OPCML: variants seen among roughly 807,000 people sequenced by gnomAD.
OPCML encodes opioid-binding protein/cell adhesion molecule.
A neutral mutation model predicts 37.8 loss-of-function variants in OPCML; 13 were observed. The ratio of observed to expected loss-of-function variants is 0.34; its 90% CI spans 0.22 to 0.55. OPCML has a LOEUF of 0.55. Ranked by LOEUF, OPCML falls within the 20% of genes least tolerant of loss-of-function variation. The probability of loss-of-function intolerance (pLI) is 0.91; values close to 1 mark genes in which losing one functional copy is unlikely to be tolerated. For synonymous variants in OPCML, 176 were observed against 168.8 expected (o/e 1.04, Z -0.33); for missense variants, 341 against 435.6 (o/e 0.78, Z 1.93).
chr11:133,056,375 C>G (rs964304054), intron 1 of OPCML, among the ~76,000 whole-genome samples: 1 of 152,152 alleles, frequency 6.6e-6, no homozygotes, highest in Non-Finnish European at 1.5e-5. Flanking sequence ...CTTAGAGTCT[C>G]TGGGGAATTG....
chr11:132,442,339 T>C (rs1465336576), intron 4 of OPCML, among the ~76,000 whole-genome samples: 1 of 152,106 alleles, frequency 6.6e-6, no homozygotes, highest in Admixed American at 6.6e-5. Context: ...GAGCAAAATA[T>C]GGGGGCTTCC....
chr11:133,157,393 C>T (rs1161530313), intron 1 of OPCML, among the ~76,000 whole-genome samples: 1 of 152,184 alleles, frequency 6.6e-6, no homozygotes, highest in African/African-American at 2.4e-5. Context: ...TGCAGGCTCC[C>T]AGAGGGGACA....
rs1372446758 is a variant in OPCML, at chr11:132,818,615, T to C, written c.146+124311A>G. 9.0e-5 allele frequency among the ~76,000 whole-genome samples: 4 copies of C among 44,224 alleles called. No individual in the cohort carries two copies. The East Asian group carries it at 2.8e-3, about 31-fold the overall frequency. The allele number at this position is 44,224 out of a possible 152,430, so 29.0% of individuals were successfully genotyped here. ...GATAGATAGATAGATAGATGATAGA[T>C]AGATAGATAAACACATAGATAGATA... On this transcript the variant is annotated intron_variant, in intron 2 of 7. Transcript: ENST00000524381.
intron 1 of OPCML, among the ~76,000 whole-genome samples, chr11:133,189,424 T>C (rs1179156442): frequency 6.6e-6 from 1 of 152,170 alleles, no homozygotes; most frequent in Non-Finnish European, 1.5e-5. Context: ...ACAAAATACA[T>C]CTCATATTTT....
intron 3 of OPCML, among the ~76,000 whole-genome samples, chr11:132,583,760 T>C (rs1020202264): frequency 2.6e-5 from 4 of 152,060 alleles, no homozygotes; most frequent in East Asian, 1.9e-4. Context: ...ATTACAGTCA[T>C]GCACCACCAT....
chr11:133,339,521 C>T (rs1943816526), intron 1 of OPCML, among the ~76,000 whole-genome samples: 1 of 152,166 alleles, frequency 6.6e-6, no homozygotes, highest in African/African-American at 2.4e-5. Context: ...CCATTCTACC[C>T]AGGCCAGCCT....
chr11:133,110,072 A>G (rs1210644172), intron 1 of OPCML, among the ~76,000 whole-genome samples: 1 of 152,212 alleles, frequency 6.6e-6, no homozygotes, highest in Admixed American at 6.5e-5. Context: ...AAAGCTACAC[A>G]TCTTGTAATG....
intron 2 of OPCML, among the ~76,000 whole-genome samples, chr11:132,917,662 G>A (rs1044375087): frequency 1.2e-4 from 19 of 152,286 alleles, no homozygotes; most frequent in Admixed American, 9.8e-4. Flanking sequence ...ATGGTACCTG[G>A]AACTAGATTG....
intron 2 of OPCML, among the ~76,000 whole-genome samples, chr11:132,940,225 GT>G (rs1267022713): frequency 6.6e-6 from 1 of 152,198 alleles, no homozygotes. Context: ...CACTGGGAAA[GT>G]GAAAGGCAGG....
intron 4 of OPCML, among the ~76,000 whole-genome samples, chr11:132,521,903 C>T (rs1412069400): frequency 6.6e-6 from 1 of 152,138 alleles, no homozygotes; most frequent in East Asian, 1.9e-4. Flanking sequence ...TTCAGTCACA[C>T]ATATAGAGTC....
At chr11:132,806,853 G>T (rs1351932294) in intron 2 of OPCML, among the ~76,000 whole-genome samples, 4 of 151,844 alleles carry the variant, frequency 2.6e-5, no homozygotes, top group African/African-American at 9.7e-5. Flanking sequence ...CATTATCCTT[G>T]GCCTTAGAAC....
chr11:132,949,403 C>T (rs1287463518), intron 1 of OPCML, among the ~76,000 whole-genome samples: 3 of 152,134 alleles, frequency 2.0e-5, no homozygotes, highest in Admixed American at 6.5e-5. Flanking sequence ...CCCACAATTA[C>T]GGAGAAAGAC....
chr11:133,121,464 G>C (rs1354951843), intron 1 of OPCML, among the ~76,000 whole-genome samples: 1 of 152,168 alleles, frequency 6.6e-6, no homozygotes, highest in Non-Finnish European at 1.5e-5. Context: ...ACAAGTCCCA[G>C]CTGGGAAAAC....
At chr11:133,257,615 T>C (rs1236177656) in intron 1 of OPCML, among the ~76,000 whole-genome samples, 1 of 152,204 alleles carries the variant, frequency 6.6e-6, no homozygotes, top group South Asian at 2.1e-4. Flanking sequence ...ACCTCTCAAC[T>C]GAGATTAGAA....
At chr11:132,487,207 G>A (rs1483069126) in intron 4 of OPCML, among the ~76,000 whole-genome samples, 1 of 152,144 alleles carries the variant, frequency 6.6e-6, no homozygotes, top group African/African-American at 2.4e-5. Flanking sequence ...CTGAGAGACG[G>A]TTACTCAGCC....
At chr11:133,139,281 G>A (rs1044073072) in intron 1 of OPCML, among the ~76,000 whole-genome samples, 8 of 152,226 alleles carry the variant, frequency 5.3e-5, no homozygotes, top group African/African-American at 1.2e-4. Flanking sequence ...AACAATAATC[G>A]TTGCTAGCAC....
At chr11:132,440,334 G>T in intron 4 of OPCML, among the ~76,000 whole-genome samples, 1 of 146,342 alleles carries the variant, frequency 6.8e-6, no homozygotes, top group East Asian at 2.0e-4. Context: ...ATTCTTTAGA[G>T]TTTTTTTTTT....
intron 3 of OPCML, among the ~76,000 whole-genome samples, chr11:132,568,695 C>T (rs1224055093): frequency 6.6e-6 from 1 of 152,110 alleles, no homozygotes; most frequent in Non-Finnish European, 1.5e-5. Flanking sequence ...CTGCCAACAC[C>T]TGGATTTTAG....
At chr11:133,486,106 G>A (rs1036482168) in intron 1 of OPCML, among the ~76,000 whole-genome samples, 3 of 152,252 alleles carry the variant, frequency 2.0e-5, no homozygotes, top group Non-Finnish European at 4.4e-5. Context: ...TATGAATTAA[G>A]TCTTTGTGCA....
Sources: gnomAD v4.1 joint callset for allele counts (sites outside exome capture counted in the v4.1 genomes callset) on GRCh38, gnomAD v4.1.1 for gene constraint, MANE v1.5 for transcripts, NCBI Gene and HGNC (gene_info 2026-07-23, HGNC 2026-07-21) for gene names.